PLXDC2: variants seen among roughly 807,000 people sequenced by gnomAD.
PLXDC2 encodes the protein plexin domain containing 2, also known as plexin domain-containing protein 2.
In PLXDC2, 40 loss-of-function variants were observed where a neutral mutation model predicts 68.9. That is an observed-to-expected ratio of 0.58 (90% CI 0.45 to 0.76). The LOEUF (loss-of-function observed/expected upper bound fraction) is 0.76. Among genes scored for constraint, PLXDC2 ranks in the 30% least tolerant of loss-of-function variants. The pLI, the probability that PLXDC2 is intolerant of heterozygous loss-of-function variation, is 0.00. For missense variants in PLXDC2, 644 were observed against 661.9 expected (o/e 0.97, Z 0.30); for synonymous variants, 243 against 234.2 (o/e 1.04, Z -0.34).
intron 4 of PLXDC2, among the ~76,000 whole-genome samples, chr10:20,129,538 T>C (rs1833837358): frequency 6.7e-6 from 1 of 148,176 alleles, no homozygotes; most frequent in African/African-American, 2.5e-5. Context: ...TATATATATA[T>C]ACACATACAC....
intron 3 of PLXDC2, among the ~76,000 whole-genome samples, chr10:20,062,153 C>A (rs748825560): frequency 6.6e-6 from 1 of 152,154 alleles, no homozygotes; most frequent in African/African-American, 2.4e-5. Context: ...AGGCTGGGCA[C>A]GGTGGCTCAC....
chr10:20,141,809 G>T (rs2248730), intron 4 of PLXDC2, among the ~76,000 whole-genome samples: 1 of 151,880 alleles, frequency 6.6e-6, no homozygotes, highest in African/African-American at 2.4e-5. Context: ...TGCTTGAGCT[G>T]TGTGAAATTA....
intron 13 of PLXDC2, among the ~76,000 whole-genome samples, chr10:20,267,845 T>C (rs1420657028): frequency 6.6e-6 from 1 of 151,914 alleles, no homozygotes; most frequent in Admixed American, 6.6e-5. Context: ...TTTATCTTTT[T>C]TTTTTTTATT....
chr10:19,865,695 A>G (rs1269135825), intron 1 of PLXDC2, among the ~76,000 whole-genome samples: 1 of 152,228 alleles, frequency 6.6e-6, no homozygotes, highest in Non-Finnish European at 1.5e-5. Flanking sequence ...TGGAAGCTTC[A>G]TAAAGAACTG....
At chr10:20,225,509 A>G (rs1323503870) in intron 12 of PLXDC2, among the ~76,000 whole-genome samples, 3 of 152,036 alleles carry the variant, frequency 2.0e-5, no homozygotes, top group Non-Finnish European at 4.4e-5. Flanking sequence ...ATTTAGTTTT[A>G]TGTTTGGTTT....
chr10:19,999,474 A>T (rs1834894772), intron 1 of PLXDC2, among the ~76,000 whole-genome samples: 1 of 148,730 alleles, frequency 6.7e-6, no homozygotes, highest in Admixed American at 6.9e-5. Context: ...TTTTTTAAAT[A>T]CCATTTTTTT....
At chr10:20,246,845 CT>C (rs908708261) in intron 13 of PLXDC2, among the ~76,000 whole-genome samples, 5 of 151,864 alleles carry the variant, frequency 3.3e-5, no homozygotes, top group East Asian at 1.9e-4. Context: ...ATTATAATGC[CT>C]TTTTTTTAAT....
intron 9 of PLXDC2, among the ~76,000 whole-genome samples, chr10:20,203,675 T>C (rs1834951542): frequency 6.6e-6 from 1 of 152,066 alleles, no homozygotes; most frequent in East Asian, 1.9e-4. Flanking sequence ...CTGATGTTGT[T>C]ATGCTTTGTA....
Position 20,099,389 on chromosome 10 carries a change from T to G in PLXDC2, c.541+31150T>G, listed in dbSNP as rs150526924. On this transcript the variant is annotated intron_variant, in intron 4 of 13. Transcript: ENST00000377252. Reference sequence around the variant, plus strand: ...CCATATAAATATTAATTTGCAAAACTAATATCTGCCTGATGGCCCATCATT... The same window carrying G: ...CCATATAAATATTAATTTGCAAAACGAATATCTGCCTGATGGCCCATCATT... 3.6e-3 allele frequency among the ~76,000 whole-genome samples: 553 copies of G among 152,316 alleles called. 5 individuals carry two copies. The highest frequency in any genetic ancestry group is 0.013 in the African/African-American group (520 of 41,566).
At chr10:19,852,737 T>C (rs1327506499) in intron 1 of PLXDC2, among the ~76,000 whole-genome samples, 1 of 152,176 alleles carries the variant, frequency 6.6e-6, no homozygotes, top group Non-Finnish European at 1.5e-5. Flanking sequence ...ATAAAAAATC[T>C]GTGTTTTTAT....
chr10:20,214,394 A>G (rs1268094005), intron 10 of PLXDC2, among the ~76,000 whole-genome samples: 2 of 152,178 alleles, frequency 1.3e-5, no homozygotes, highest in South Asian at 2.1e-4. Flanking sequence ...TTTTCAGGCT[A>G]CCATAAGTCT....
intron 2 of PLXDC2, among the ~76,000 whole-genome samples, chr10:20,034,706 T>C (rs1356120784): frequency 6.6e-6 from 1 of 152,224 alleles, no homozygotes; most frequent in Non-Finnish European, 1.5e-5. Context: ...ATGTGATACA[T>C]ACAACATTTC....
At chr10:19,934,969 C>T (rs1198004338) in intron 1 of PLXDC2, among the ~76,000 whole-genome samples, 2 of 152,182 alleles carry the variant, frequency 1.3e-5, no homozygotes, top group African/African-American at 2.4e-5. Context: ...CACAGTATTT[C>T]AGCATCAATG....
At chr10:20,136,724 G>A (rs945572498) in intron 4 of PLXDC2, among the ~76,000 whole-genome samples, 3 of 152,200 alleles carry the variant, frequency 2.0e-5, no homozygotes, top group Non-Finnish European at 4.4e-5. Context: ...CCTGAAGACA[G>A]CATTAAACTA....
chr10:20,131,642 C>T (rs1833869755), intron 4 of PLXDC2, among the ~76,000 whole-genome samples: 1 of 152,178 alleles, frequency 6.6e-6, no homozygotes. Context: ...TCAGGTGATC[C>T]ACCTGCCTCA....
At chr10:19,974,206 G>C (rs1057434462) in intron 1 of PLXDC2, among the ~76,000 whole-genome samples, 1 of 152,178 alleles carries the variant, frequency 6.6e-6, no homozygotes, top group African/African-American at 2.4e-5. Context: ...CCTTTAAGTA[G>C]GATTACTTAT....
intron 1 of PLXDC2, among the ~76,000 whole-genome samples, chr10:19,964,485 C>T (rs1834214721): frequency 6.6e-6 from 1 of 152,076 alleles, no homozygotes; most frequent in Admixed American, 6.6e-5. Flanking sequence ...AACTCAGAAA[C>T]TCAAAAGAGC....
chr10:20,164,525 T>G lies in PLXDC2; in HGVS notation c.841T>G (p.Ser281Ala). The G allele has an allele frequency of 1.2e-6, 2 of 1,613,718 alleles. No homozygotes were observed. Among genetic ancestry groups the G allele is most frequent in the Non-Finnish European group, 1.7e-6 (2 of 1,179,808 alleles). ...CAATCATCCAGTGAAAGTCGGACTGTCCGATGCATTTGTCGTTGTCCACAG... is the reference window on the plus strand; with the variant it reads ...CAATCATCCAGTGAAAGTCGGACTGGCCGATGCATTTGTCGTTGTCCACAG... ...STNHPVKVGL[S>A]DAFVVVHRIQ... Residue 281 changes from serine (S) to alanine (A), a missense_variant, in exon 7 of 14, where the codon TCC becomes GCC. Transcript: ENST00000377252.
At chr10:20,095,564 C>T (rs1030820556) in intron 4 of PLXDC2, among the ~76,000 whole-genome samples, 10 of 152,094 alleles carry the variant, frequency 6.6e-5, no homozygotes, top group African/African-American at 2.4e-4. Context: ...TTTGGTGATA[C>T]TACAGTGTTA....
Sources: allele counts gnomAD v4.1 joint callset (sites outside exome capture counted in the v4.1 genomes callset), GRCh38; gene constraint gnomAD v4.1.1; transcripts MANE v1.5; gene names NCBI Gene and HGNC (gene_info 2026-07-23, HGNC 2026-07-21).